FBXL13: variants seen among roughly 807,000 people sequenced by gnomAD.
The protein encoded by FBXL13 is F-box and leucine-rich repeat protein 13.
A neutral mutation model predicts 83.6 loss-of-function variants in FBXL13; 67 were observed. That is an observed-to-expected ratio of 0.80 (90% CI 0.66 to 0.98). The LOEUF is 0.98. FBXL13 is among the 50% of genes least tolerant of loss of function. The pLI, the probability that FBXL13 is intolerant of heterozygous loss-of-function variation, is 0.00. For synonymous variants in FBXL13, 272 were observed against 299.5 expected, an observed-to-expected ratio of 0.91 and a Z score of 0.95; for missense variants, 822 against 866.5, an observed-to-expected ratio of 0.95 and a Z score of 0.64.
chr7:102,951,544 A>G (rs1240787502), intron 8 of FBXL13, among the ~76,000 whole-genome samples: 1 of 152,010 alleles, frequency 6.6e-6, no homozygotes, highest in Non-Finnish European at 1.5e-5. Flanking sequence ...GCAGTGGCTC[A>G]CACCTGTAAT....
At chr7:102,954,015 C>T (rs142928322) in intron 8 of FBXL13, among the ~76,000 whole-genome samples, 140 of 152,270 alleles carry the variant, frequency 9.2e-4, no homozygotes, top group African/African-American at 3.1e-3. Context: ...ACATGATCGA[C>T]GCAGAAGACG....
chr7:102,897,333 A>C (rs1402932024), intron 11 of FBXL13, among the ~76,000 whole-genome samples: 1 of 152,086 alleles, frequency 6.6e-6, no homozygotes, highest in Non-Finnish European at 1.5e-5. Context: ...ATGAAGAGGT[A>C]ACTTAAAGAG....
chr7:103,006,001 T>G (rs187205839), intron 6 of FBXL13, among the ~76,000 whole-genome samples: 239 of 152,006 alleles, frequency 1.6e-3, no homozygotes, highest in African/African-American at 5.4e-3. Context: ...ATATTAAAAA[T>G]GGAAAAAATA....
intron 6 of FBXL13, among the ~76,000 whole-genome samples, chr7:103,017,504 G>A (rs2129487228): frequency 6.6e-6 from 1 of 152,292 alleles, no homozygotes; most frequent in Admixed American, 6.5e-5. Context: ...AGAGAAGAAG[G>A]CTTCAGACGA....
chr7:102,986,016 T>C (rs1828903181), intron 6 of FBXL13, among the ~76,000 whole-genome samples: 1 of 136,400 alleles, frequency 7.3e-6, no homozygotes, highest in African/African-American at 3.0e-5. Context: ...CCTGGCACGA[T>C]GCCCCCCCCC....
intron 8 of FBXL13, chr7:102,934,396 T>C (rs1253178529): frequency 1.2e-6 from 2 of 1,614,212 alleles, no homozygotes; most frequent in Non-Finnish European, 1.7e-6. Flanking sequence ...TGCGTCTTTA[T>C]GACAACCCCT....
intron 1 of FBXL13, among the ~76,000 whole-genome samples, chr7:103,060,066 T>TATAA (rs1797760296): frequency 4.3e-5 from 2 of 46,458 alleles, no homozygotes; most frequent in Non-Finnish European, 4.6e-5. Flanking sequence ...ATATATATAC[T>TATAA]TTTTTTTTTT....
chr7:102,944,160 C>T (rs750744998), intron 8 of FBXL13: 1 of 1,452,042 alleles, frequency 6.9e-7, no homozygotes, highest in Admixed American at 2.2e-5. Context: ...ATATGCCATA[C>T]ACTGTATTAA....
chr7:102,974,335 A>G (rs1352491111), intron 6 of FBXL13, among the ~76,000 whole-genome samples: 1 of 152,156 alleles, frequency 6.6e-6, no homozygotes, highest in Admixed American at 6.5e-5. Flanking sequence ...GCTTGCAGTG[A>G]GCCAAGATCA....
At chr7:103,027,693 C>A (rs2129488481) in intron 4 of FBXL13, 135 bp from the exon 6 acceptor site, 2 of 515,312 alleles carry the variant, frequency 3.9e-6, no homozygotes, top group Non-Finnish European at 6.6e-6. Flanking sequence ...CTTATTTACA[C>A]TTGAAATTAA....
intron 8 of FBXL13, chr7:102,934,103 T>A (rs1237657671): frequency 3.7e-6 from 6 of 1,614,108 alleles, no homozygotes; most frequent in Non-Finnish European, 5.1e-6. Flanking sequence ...CCATGAGAAA[T>A]ACTTAGATTG....
chr7:102,850,700 A>G (rs1240369961), intron 17 of FBXL13, among the ~76,000 whole-genome samples: 2 of 152,142 alleles, frequency 1.3e-5, no homozygotes, highest in Admixed American at 1.3e-4. Context: ...CCTTTTTGTT[A>G]TTAAAGAGTT....
chr7:103,062,131 C>T (rs1797988390), intron 1 of FBXL13, among the ~76,000 whole-genome samples: 2 of 151,888 alleles, frequency 1.3e-5, no homozygotes, highest in Admixed American at 6.6e-5. Context: ...TTCATCTTCC[C>T]TAAATGCTAA....
At chr7:102,983,300 C>T (rs1430135549) in intron 6 of FBXL13, among the ~76,000 whole-genome samples, 1 of 152,112 alleles carries the variant, frequency 6.6e-6, no homozygotes, top group African/African-American at 2.4e-5. Context: ...GTAGGATTGC[C>T]TCTTCCACTA....
chr7:103,024,857 A>AT (rs1209398568), intron 6 of FBXL13, among the ~76,000 whole-genome samples: 1,347 of 62,836 alleles, frequency 0.021, 82 homozygotes, highest in African/African-American at 0.047. Flanking sequence ...ATATATATAT[A>AT]TTTTTTTTTT....
Position 103,028,602 on chromosome 7 carries a change from T to C in FBXL13, c.215A>G (p.Lys72Arg). The change falls in exon 4 of 20, where the codon AAA becomes AGA. Residue 72 changes from lysine (K) to arginine (R), a missense_variant and splice_region_variant. By Grantham distance (26) the Lys-to-Arg change is conservative. Coordinates refer to ENST00000313221, the Ensembl canonical transcript of FBXL13. The stretch of plus-strand genomic sequence containing the variant: ...ATTGCTACTATGTAAGAATTTACTT[T>C]TAAGTTTTTCTTTCTGGTCTTCCAT... 1.3e-6 allele frequency: 2 copies of C among 1,565,240 alleles called. No homozygotes were observed. Among genetic ancestry groups the C allele is most frequent in the Non-Finnish European group, 1.7e-6 (2 of 1,161,094 alleles).
At chr7:102,927,531 T>C (rs1683197894) in intron 9 of FBXL13, among the ~76,000 whole-genome samples, 1 of 152,218 alleles carries the variant, frequency 6.6e-6, no homozygotes, top group African/African-American at 2.4e-5. Context: ...AATAAAATCC[T>C]GCAGGTCAGA....
intron 16 of FBXL13, among the ~76,000 whole-genome samples, chr7:102,862,782 C>T (rs958618197): frequency 3.5e-4 from 54 of 152,208 alleles, no homozygotes; most frequent in African/African-American, 1.1e-3. Context: ...TAGCATCTTC[C>T]TTGTTTCTCA....
intron 2 of FBXL13, among the ~76,000 whole-genome samples, chr7:103,040,363 C>T (rs1795535036): frequency 6.6e-6 from 1 of 152,168 alleles, no homozygotes; most frequent in South Asian, 2.1e-4. Flanking sequence ...TAGACTCCCA[C>T]ACCATAATAA....
Sources: allele counts gnomAD v4.1 joint callset (sites outside exome capture counted in the v4.1 genomes callset), GRCh38; gene constraint gnomAD v4.1.1; transcripts MANE v1.5; gene names NCBI Gene and HGNC (gene_info 2026-07-23, HGNC 2026-07-21).